Variants in ABCB1 observed in about 807,000 individuals in gnomAD.
The protein encoded by ABCB1 is ATP binding cassette subfamily B member 1, also known as ATP-dependent translocase ABCB1.
In ABCB1, 69 loss-of-function variants were observed where a neutral mutation model predicts 142.0. The observed-to-expected ratio is 0.49, with a 90% confidence interval of 0.40 to 0.59. The LOEUF is 0.59. Among genes scored for constraint, ABCB1 ranks in the 20% least tolerant of loss-of-function variants. ABCB1 has a pLI of 0.00. For synonymous variants in ABCB1, 532 were observed against 539.2 expected, an observed-to-expected ratio of 0.99 and a Z score of 0.18; for missense variants, 1,326 against 1,554.7, an observed-to-expected ratio of 0.85 and a Z score of 2.47.
At chr7:87,701,370 C>T (rs915388633) in intron 1 of ABCB1, among the ~76,000 whole-genome samples, 3 of 152,156 alleles carry the variant, frequency 2.0e-5, no homozygotes, top group African/African-American at 7.2e-5. Context: ...ATTTTAGAAA[C>T]TTGTGTTCAC....
Position 87,528,420 on chromosome 7 carries a change from T to A in ABCB1, c.2685+2874A>T, listed in dbSNP as rs542085167. On this transcript the variant is annotated intron_variant, in intron 21 of 27. Transcript: ENST00000622132. Reference sequence around the variant, plus strand: ...ATAACATACTTAACTTTTTCTTAATTTTTTGATATTTCTAGGCTACATGGC... The same window carrying A: ...ATAACATACTTAACTTTTTCTTAATATTTTGATATTTCTAGGCTACATGGC... Among the ~76,000 whole-genome samples, 11 of 152,304 alleles carry A rather than the reference T, an allele frequency of 7.2e-5. No homozygotes were observed. In the South Asian group the frequency reaches 2.3e-3, roughly 32 times the overall value.
chr7:87,637,639 A>T (rs1446639368), intron 1 of ABCB1, among the ~76,000 whole-genome samples: 1 of 152,030 alleles, frequency 6.6e-6, no homozygotes, highest in African/African-American at 2.4e-5. Context: ...ATCTCTTATT[A>T]TATTTATTCT....
intron 1 of ABCB1, among the ~76,000 whole-genome samples, chr7:87,633,682 A>T (rs560738953): frequency 2.7e-4 from 41 of 150,340 alleles, no homozygotes; most frequent in South Asian, 1.5e-3. Context: ...TTTTTTTTTT[A>T]AAAAGCACCC....
chr7:87,551,305 C>T, intron 9 of ABCB1, among the ~76,000 whole-genome samples: 1 of 152,178 alleles, frequency 6.6e-6, no homozygotes, highest in South Asian at 2.1e-4. Flanking sequence ...GCATGGGCCA[C>T]CACACCCAGC....
intron 3 of ABCB1, among the ~76,000 whole-genome samples, chr7:87,589,850 G>A (rs530765721): frequency 6.0e-5 from 8 of 133,300 alleles, no homozygotes; most frequent in South Asian, 2.4e-4. Flanking sequence ...GAGAGGGAGG[G>A]AGAGAGAGAG....
chr7:87,600,281 G>A, intron 1 of ABCB1, 91 bp from the exon 2 acceptor site: 3 of 1,090,514 alleles, frequency 2.8e-6, no homozygotes, highest in Non-Finnish European at 2.7e-6. Flanking sequence ...CGAAGCCAGA[G>A]AGCAGTAAGA....
rs995344233 is a variant in ABCB1 at position 87,544,024 on chromosome 7, G to A, written c.2211+105C>T. On this transcript the variant is annotated intron_variant, in intron 17 of 27. Coordinates refer to ENST00000622132, the MANE Select transcript of ABCB1 (RefSeq NM_001348946.2). ...GCCAATTAGTTTCATATGGAGATAC[G>A]TGGATTTTGTTGTTTTTGTATCCCA... is the stretch of plus-strand genomic sequence containing the variant. 8 of 1,363,654 alleles carry A rather than the reference G, an allele frequency of 5.9e-6. No homozygotes were observed. The Admixed American group carries it at 6.9e-5, about 12-fold the overall frequency. 84.5% of individuals were successfully genotyped at this position (1,363,654 alleles called of 1,614,324 possible). A position where few individuals can be genotyped will look rare whatever the true frequency, so the allele number is the denominator to read the frequency against.
chr7:87,628,183 C>T (rs1820792749), intron 1 of ABCB1, among the ~76,000 whole-genome samples: 2 of 152,240 alleles, frequency 1.3e-5, no homozygotes, highest in South Asian at 4.1e-4. Flanking sequence ...CCGCGGCTAG[C>T]CTGTGTGGCT....
At chr7:87,631,595 G>A (rs758796163) in intron 1 of ABCB1, among the ~76,000 whole-genome samples, 1 of 152,108 alleles carries the variant, frequency 6.6e-6, no homozygotes, top group African/African-American at 2.4e-5. Flanking sequence ...GGGTTTCACC[G>A]TATTAGCCAG....
chr7:87,702,257 G>A lies in ABCB1; in HGVS notation c.-331+10904C>T, dbSNP rs539664767. 6.0e-5 allele frequency among the ~76,000 whole-genome samples: 9 copies of A among 150,228 alleles called. No individual in the cohort carries two copies. In the South Asian group the frequency reaches 1.9e-3, roughly 32 times the overall value. On this transcript the variant is annotated intron_variant, in intron 1 of 28. Coordinates refer to the ABCB1 transcript ENST00000265724. ...TGTTATTTATGTTAACAGGTAATGG[G>A]TTTATTGTTTTATTTTATTTTATTT...
intron 1 of ABCB1, among the ~76,000 whole-genome samples, chr7:87,608,607 A>G (rs929397826): frequency 1.6e-4 from 25 of 152,154 alleles, no homozygotes; most frequent in African/African-American, 5.6e-4. Flanking sequence ...AAAAATAACA[A>G]TATTACCCGA....
intron 9 of ABCB1, 97 bp downstream of exon 9, chr7:87,553,664 A>G: frequency 7.5e-7 from 1 of 1,328,356 alleles, no homozygotes; most frequent in Non-Finnish European, 1.1e-6. Context: ...AGTATTCAAC[A>G]GTTGTTCAAA....
intron 15 of ABCB1, among the ~76,000 whole-genome samples, chr7:87,545,266 G>A (rs769694062): frequency 3.2e-4 from 49 of 152,132 alleles, no homozygotes; most frequent in Non-Finnish European, 6.3e-4. Context: ...ATCTTCTCAC[G>A]CCATTTTTTG....
chr7:87,644,820 A>T (rs1485202074), intron 1 of ABCB1, among the ~76,000 whole-genome samples: 1 of 151,942 alleles, frequency 6.6e-6, no homozygotes, highest in Non-Finnish European at 1.5e-5. Flanking sequence ...TCACTATAAA[A>T]ATAATTTCTA....
chr7:87,646,155 CAGAT>C (rs1174675608), intron 1 of ABCB1, among the ~76,000 whole-genome samples: 2 of 152,132 alleles, frequency 1.3e-5, no homozygotes, highest in African/African-American at 4.8e-5. Flanking sequence ...TTTTATGACA[CAGAT>C]AGTATCTTCT....
At chr7:87,520,294 G>T (rs948245082) in intron 22 of ABCB1, among the ~76,000 whole-genome samples, 1 of 152,046 alleles carries the variant, frequency 6.6e-6, no homozygotes, top group Non-Finnish European at 1.5e-5. Context: ...GACTCAGAAA[G>T]GTTGGGCTTG....
chr7:87,576,992 A>C (rs1329729789), intron 4 of ABCB1, among the ~76,000 whole-genome samples: 1 of 152,128 alleles, frequency 6.6e-6, no homozygotes, highest in Non-Finnish European at 1.5e-5. Flanking sequence ...TGTGTGATCA[A>C]ATACTAGATG....
At chr7:87,684,503 CT>C (rs1827243642) in intron 1 of ABCB1, among the ~76,000 whole-genome samples, 1 of 152,026 alleles carries the variant, frequency 6.6e-6, no homozygotes, top group Non-Finnish European at 1.5e-5. Context: ...AGACCCAGCA[CT>C]TTGGGAGGCC....
chr7:87,619,746 ATG>A (rs778899617), intron 1 of ABCB1, among the ~76,000 whole-genome samples: 356 of 146,014 alleles, frequency 2.4e-3, no homozygotes, highest in South Asian at 6.0e-3. Context: ...ACACAAACAC[ATG>A]TGTGTGTGTG....
Sources: allele counts gnomAD v4.1 joint callset (sites outside exome capture counted in the v4.1 genomes callset), GRCh38; gene constraint gnomAD v4.1.1; transcripts MANE v1.5; gene names NCBI Gene and HGNC (gene_info 2026-07-23, HGNC 2026-07-21).